The following TET1 variants were observed in gnomAD, a reference collection of about 807,000 sequenced individuals.
TET1 encodes the protein methylcytosine dioxygenase TET1.
In TET1, 13 loss-of-function variants were observed where a neutral mutation model predicts 148.7. That is an observed-to-expected ratio of 0.09 (90% CI 0.06 to 0.14). The LOEUF (loss-of-function observed/expected upper bound fraction) is 0.14. Among genes scored for constraint, TET1 ranks in the 10% least tolerant of loss-of-function variants. The pLI is 1.00. For missense variants in TET1, 2,182 were observed against 2,553.8 expected, an observed-to-expected ratio of 0.85 and a Z score of 3.14; for synonymous variants, 907 against 937.2, an observed-to-expected ratio of 0.97 and a Z score of 0.59.
intron 7 of TET1, among the ~76,000 whole-genome samples, chr10:68,671,646 T>G (rs942426487): frequency 2.0e-5 from 3 of 152,244 alleles, no homozygotes; most frequent in African/African-American, 7.2e-5. Flanking sequence ...TAGCATATAG[T>G]TTAGTTTAAG....
At chr10:68,572,141 G>T in intron 1 of TET1, 76 bp from the exon 2 acceptor site, 1 of 545,612 alleles carries the variant, frequency 1.8e-6, no homozygotes, top group Admixed American at 3.6e-5. Context: ...AAAACAATTA[G>T]TAGTGAATAT....
At position 68,690,992 on chromosome 10, in the gene TET1, G is replaced by GAAT. The variant is rs747815836; in HGVS notation, c.5590_5592dup (p.Asn1864dup). On this transcript the variant is annotated inframe_insertion, in exon 12 of 12. Coordinates refer to ENST00000373644, the MANE Select transcript of TET1 (RefSeq NM_030625.3). ...CTTCAGCCACACCAGCTCCACTGAA[G>GAAT]AATGACGCAACAGCCTCATGCGGGT... 6 of 1,614,202 alleles carry GAAT rather than the reference G, an allele frequency of 3.7e-6. No homozygotes were observed. The highest frequency in any genetic ancestry group is 5.1e-6 in the Non-Finnish European group (6 of 1,180,036).
At chr10:68,598,700 CTT>C (rs36067164) in intron 2 of TET1, among the ~76,000 whole-genome samples, 42 of 129,824 alleles carry the variant, frequency 3.2e-4, no homozygotes, top group Non-Finnish European at 3.6e-4. Context: ...CTTTTTCTTT[CTT>C]TTTTTTTTTT....
chr10:68,632,068 T>C (rs1320794106), intron 3 of TET1, among the ~76,000 whole-genome samples: 1 of 152,018 alleles, frequency 6.6e-6, no homozygotes, highest in Non-Finnish European at 1.5e-5. Flanking sequence ...CTCATGCCTG[T>C]AATCGCAGCA....
At chr10:68,594,614 G>C (rs1292351071) in intron 2 of TET1, among the ~76,000 whole-genome samples, 1 of 152,116 alleles carries the variant, frequency 6.6e-6, no homozygotes, top group Non-Finnish European at 1.5e-5. Flanking sequence ...AGTCTTCCAA[G>C]GAGATTCTCC....
intron 3 of TET1, among the ~76,000 whole-genome samples, chr10:68,630,674 A>G (rs754151391): frequency 6.6e-6 from 1 of 152,158 alleles, no homozygotes; most frequent in Non-Finnish European, 1.5e-5. Flanking sequence ...TGAGTTTGGA[A>G]TTCAGGAGAA....
Position 68,579,072 on chromosome 10 carries a change from C to G in TET1, c.1914+4820C>G, listed in dbSNP as rs542823071. ...TATAATCTTTTACTCAATCAAGTCACGTCACACATGTGGGAATAGATAAAA... is the reference window on the plus strand; with the variant it reads ...TATAATCTTTTACTCAATCAAGTCAGGTCACACATGTGGGAATAGATAAAA... On this transcript the variant is annotated intron_variant, in intron 2 of 11. Transcript: ENST00000373644. 3.0e-4 allele frequency among the ~76,000 whole-genome samples: 45 copies of G among 152,222 alleles called. 1 individual carries two copies. The highest frequency in any genetic ancestry group is 9.6e-4 in the African/African-American group (40 of 41,544).
At chr10:68,621,930 A>T (rs1186840478) in intron 3 of TET1, among the ~76,000 whole-genome samples, 2 of 152,078 alleles carry the variant, frequency 1.3e-5, no homozygotes, top group African/African-American at 2.4e-5. Flanking sequence ...TCTTTTTTTT[A>T]TTTGGATATC....
intron 9 of TET1, 84 bp from the exon 10 acceptor site, chr10:68,682,752 A>T (rs1387638618): frequency 2.1e-6 from 3 of 1,444,136 alleles, no homozygotes; most frequent in Admixed American, 4.6e-5. Context: ...TAGAAACTTC[A>T]TGAGGAAATT....
intron 6 of TET1, among the ~76,000 whole-genome samples, chr10:68,657,024 C>CA (rs35763138): frequency 0.03 from 3,510 of 118,796 alleles, 86 homozygotes; most frequent in African/African-American, 0.067. Context: ...AGTCTAGCTC[C>CA]AAAAAAAAAA....
chr10:68,596,887 A>C (rs2053994656), intron 2 of TET1, among the ~76,000 whole-genome samples: 1 of 152,104 alleles, frequency 6.6e-6, no homozygotes. Flanking sequence ...GTATGGCTTC[A>C]TGAGTATCCT....
At chr10:68,622,647 C>T (rs1185961513) in intron 3 of TET1, among the ~76,000 whole-genome samples, 1 of 151,844 alleles carries the variant, frequency 6.6e-6, no homozygotes, top group Admixed American at 6.6e-5. Context: ...GTTCCACAGT[C>T]CTCTTTCAAC....
In TET1 at chr10:68,689,917, G is replaced by T. The variant is rs2055567602; in HGVS notation, c.5405-891G>T. 1.3e-5 allele frequency among the ~76,000 whole-genome samples: 2 copies of T among 152,156 alleles called. 1 individual carries two copies. Among genetic ancestry groups the T allele is most frequent in the South Asian group, 4.1e-4 (2 of 4,828 alleles). ...GAGTAATGATCTCCTTCCTTAATGAGAAGGAAACTAAGCTGAAATACTCTT... is the reference window on the plus strand; with the variant it reads ...GAGTAATGATCTCCTTCCTTAATGATAAGGAAACTAAGCTGAAATACTCTT... On this transcript the variant is annotated intron_variant, in intron 11 of 11. Coordinates refer to ENST00000373644, the MANE Select transcript of TET1 (RefSeq NM_030625.3).
intron 3 of TET1, among the ~76,000 whole-genome samples, chr10:68,636,379 T>G (rs1029244605): frequency 2.6e-5 from 4 of 152,188 alleles, no homozygotes; most frequent in African/African-American, 4.8e-5. Context: ...TGAAAGGATT[T>G]CTTGTGAGTT....
chr10:68,675,140 T>C (rs900194038), intron 8 of TET1: 3 of 387,316 alleles, frequency 7.7e-6, no homozygotes, highest in Non-Finnish European at 1.4e-5. Flanking sequence ...AAATAAAAAG[T>C]CATATTTGTG....
At chr10:68,587,809 C>G (rs929267364) in intron 2 of TET1, among the ~76,000 whole-genome samples, 1 of 152,152 alleles carries the variant, frequency 6.6e-6, no homozygotes, top group African/African-American at 2.4e-5. Flanking sequence ...GACAGTAACC[C>G]TAACCCATGA....
intron 4 of TET1, among the ~76,000 whole-genome samples, chr10:68,650,078 C>T (rs1396258287): frequency 1.3e-5 from 2 of 152,114 alleles, no homozygotes; most frequent in Non-Finnish European, 2.9e-5. Flanking sequence ...ATTAGGATTC[C>T]TCAAACTGAG....
At chr10:68,680,000 G>A (rs1172385317) in intron 8 of TET1, among the ~76,000 whole-genome samples, 3 of 152,116 alleles carry the variant, frequency 2.0e-5, no homozygotes, top group African/African-American at 4.8e-5. Context: ...AAACTACAAC[G>A]GCTAAGATAA....
chr10:68,605,718 C>G (rs58744863), intron 3 of TET1, among the ~76,000 whole-genome samples: 4 of 152,140 alleles, frequency 2.6e-5, no homozygotes, highest in Non-Finnish European at 5.9e-5. Flanking sequence ...TTTTGCCATG[C>G]TGGCCAGTCT....
Sources: allele counts gnomAD v4.1 joint callset (sites outside exome capture counted in the v4.1 genomes callset), GRCh38; gene constraint gnomAD v4.1.1; transcripts MANE v1.5; gene names NCBI Gene and HGNC (gene_info 2026-07-23, HGNC 2026-07-21).